SORCS2: variants seen among roughly 807,000 people sequenced by gnomAD.
SORCS2 encodes the protein sortilin related VPS10 domain containing receptor 2, also known as VPS10 domain-containing receptor SorCS2.
SORCS2 carries 100 observed loss-of-function variants against 141.6 expected under a neutral mutation model. The ratio of observed to expected loss-of-function variants is 0.71; its 90% CI spans 0.60 to 0.83. The LOEUF is 0.83. Ranked by LOEUF, SORCS2 falls within the 40% of genes least tolerant of loss-of-function variation. The probability of loss-of-function intolerance (pLI) is 0.00; values close to 1 mark genes in which losing one functional copy is unlikely to be tolerated. For missense variants in SORCS2, 1,646 were observed against 1,560.2 expected, an observed-to-expected ratio of 1.05 and a Z score of -0.93; for synonymous variants, 789 against 676.9, an observed-to-expected ratio of 1.17 and a Z score of -2.57.
At chr4:7,429,476 C>T (rs1726678452) in intron 2 of SORCS2, among the ~76,000 whole-genome samples, 1 of 152,232 alleles carries the variant, frequency 6.6e-6, no homozygotes, top group Non-Finnish European at 1.5e-5. Context: ...TCTGCCTTAC[C>T]AGACCTGGAA....
At chr4:7,472,808 A>G (rs1296630719) in intron 2 of SORCS2, among the ~76,000 whole-genome samples, 1 of 152,160 alleles carries the variant, frequency 6.6e-6, no homozygotes, top group Non-Finnish European at 1.5e-5. Context: ...CTCCCACTCT[A>G]GAACCTGGTT....
chr4:7,723,536 G>A (rs1577119194), intron 18 of SORCS2, among the ~76,000 whole-genome samples, 161 bp from the exon 19 acceptor site: 1 of 152,216 alleles, frequency 6.6e-6, no homozygotes, highest in Non-Finnish European at 1.5e-5. Flanking sequence ...CTCCAGGGCA[G>A]AACCAGGCCC....
intron 1 of SORCS2, among the ~76,000 whole-genome samples, chr4:7,351,204 G>A (rs902029525): frequency 6.6e-6 from 1 of 152,150 alleles, no homozygotes; most frequent in African/African-American, 2.4e-5. Context: ...CAGTGTAATT[G>A]TGAGCGCAGG....
intron 3 of SORCS2, among the ~76,000 whole-genome samples, chr4:7,624,301 C>T (rs183684192): frequency 3.9e-5 from 6 of 152,270 alleles, no homozygotes; most frequent in East Asian, 3.9e-4. Context: ...TCTATGACCA[C>T]GGAATACAAA....
intron 2 of SORCS2, among the ~76,000 whole-genome samples, chr4:7,522,205 A>G (rs1733371164): frequency 6.6e-6 from 1 of 152,006 alleles, no homozygotes. Context: ...CGCAAGTGGG[A>G]GTGGGGCGAG....
intron 2 of SORCS2, among the ~76,000 whole-genome samples, chr4:7,473,494 G>A (rs1730106228): frequency 6.6e-6 from 1 of 152,210 alleles, no homozygotes; most frequent in African/African-American, 2.4e-5. Context: ...GGCAGAGGCA[G>A]CAGGAGATGC....
At chr4:7,667,052 G>A in intron 7 of SORCS2, 72 bp from the exon 8 acceptor site, 1 of 1,359,308 alleles carries the variant, frequency 7.4e-7, no homozygotes, top group South Asian at 1.2e-5. Flanking sequence ...ATAACATGTA[G>A]TTTTTCATTC....
At chr4:7,642,089 C>T (rs1336004961) in intron 4 of SORCS2, among the ~76,000 whole-genome samples, 1 of 152,154 alleles carries the variant, frequency 6.6e-6, no homozygotes, top group Non-Finnish European at 1.5e-5. Flanking sequence ...TGATAAATTT[C>T]TACCAACAGG....
At chr4:7,339,187 T>C (rs558955969) in intron 1 of SORCS2, among the ~76,000 whole-genome samples, 1 of 152,178 alleles carries the variant, frequency 6.6e-6, no homozygotes. Context: ...CGCTGCCCTT[T>C]TTCTCACCCC....
intron 14 of SORCS2, among the ~76,000 whole-genome samples, chr4:7,708,152 T>C (rs1428436166): frequency 1.3e-5 from 2 of 152,188 alleles, no homozygotes; most frequent in African/African-American, 2.4e-5. Flanking sequence ...CTCCACGAGG[T>C]CGCCGCAAAT....
chr4:7,724,150 G>GATAGTGGTGGTGATGGTGGTGGTGATA (rs150201814), intron 19 of SORCS2, among the ~76,000 whole-genome samples: 1 of 135,394 alleles, frequency 7.4e-6, no homozygotes, highest in African/African-American at 3.3e-5. Context: ...TGATGGTCGT[G>GATAGTGGTGGTGATGGTGGTGGTGATA]GTGGTGGTGG....
At chr4:7,290,173 C>T (rs895025545) in intron 1 of SORCS2, among the ~76,000 whole-genome samples, 8 of 152,154 alleles carry the variant, frequency 5.3e-5, no homozygotes, top group African/African-American at 1.9e-4. Flanking sequence ...CCACATGGCC[C>T]AGCGCCCTTA....
intron 1 of SORCS2, among the ~76,000 whole-genome samples, chr4:7,365,695 G>A (rs781736083): frequency 2.0e-5 from 3 of 152,174 alleles, no homozygotes; most frequent in Non-Finnish European, 4.4e-5. Context: ...ACCCCGGCGT[G>A]CAGGCTTTGT....
At chr4:7,253,599 A>G (rs1713651786) in intron 1 of SORCS2, among the ~76,000 whole-genome samples, 1 of 152,194 alleles carries the variant, frequency 6.6e-6, no homozygotes, top group African/African-American at 2.4e-5. Flanking sequence ...GCTCCCTCCC[A>G]GATGAGGTGG....
chr4:7,242,718 C>G (rs1405184262), intron 1 of SORCS2, among the ~76,000 whole-genome samples: 2 of 152,242 alleles, frequency 1.3e-5, no homozygotes, highest in Non-Finnish European at 2.9e-5. Context: ...CCAGCCCCCT[C>G]CAAAGTGGCT....
At chr4:7,357,248 C>T (rs554220401) in intron 1 of SORCS2, among the ~76,000 whole-genome samples, 9 of 152,252 alleles carry the variant, frequency 5.9e-5, no homozygotes, top group African/African-American at 1.2e-4. Flanking sequence ...CTGCCTCCAG[C>T]GCTTGACCTT....
intron 2 of SORCS2, chr4:7,431,188 C>CGGGCAACCATCTAGT (rs1405182673): frequency 2.0e-5 from 3 of 152,470 alleles, no homozygotes; most frequent in Non-Finnish European, 4.4e-5. Flanking sequence ...CCGTTCATCA[C>CGGGCAACCATCTAGT]GGGCAACCAT....
chr4:7,691,759 A>G (rs930910906), intron 11 of SORCS2, among the ~76,000 whole-genome samples: 2 of 152,130 alleles, frequency 1.3e-5, no homozygotes, highest in Middle Eastern at 3.4e-3. Context: ...ATGACAGGGT[A>G]TTTAAAATGC....
chr4:7,279,634 T>G (rs1715730222), intron 1 of SORCS2, among the ~76,000 whole-genome samples: 1 of 152,208 alleles, frequency 6.6e-6, no homozygotes, highest in African/African-American at 2.4e-5. Context: ...GGCGCAGGCC[T>G]TAGGTTTGCC....
Sources: allele counts gnomAD v4.1 joint callset (sites outside exome capture counted in the v4.1 genomes callset), GRCh38; gene constraint gnomAD v4.1.1; transcripts MANE v1.5; gene names NCBI Gene and HGNC (gene_info 2026-07-23, HGNC 2026-07-21).